Variants in ITGA4 observed in about 807,000 individuals in gnomAD.
ITGA4 encodes the protein integrin alpha-4.
A neutral mutation model predicts 133.6 loss-of-function variants in ITGA4; 63 were observed. The ratio of observed to expected loss-of-function variants is 0.47; its 90% CI spans 0.38 to 0.58. The LOEUF (loss-of-function observed/expected upper bound fraction) is 0.58, where lower values mean the gene tolerates loss of function less well. Ranked by LOEUF, ITGA4 falls within the 20% of genes least tolerant of loss-of-function variation. The probability of loss-of-function intolerance (pLI) is 0.00; values close to 1 mark genes in which losing one functional copy is unlikely to be tolerated. For missense variants in ITGA4, 1,076 were observed against 1,252.7 expected (o/e 0.86, Z 2.13); for synonymous variants, 483 against 438.0 (o/e 1.10, Z -1.28).
chr2:181,501,664 T>C (rs912967850), intron 15 of ITGA4, among the ~76,000 whole-genome samples: 4 of 152,288 alleles, frequency 2.6e-5, no homozygotes, highest in South Asian at 4.1e-4. Context: ...AGAGACTGGA[T>C]GTCTGGCATC....
chr2:181,457,617 G>GTGGCT lies in ITGA4; in HGVS notation c.-34_-33insTTGGC, dbSNP rs1370868563. On this transcript the variant is annotated 5_prime_UTR_variant, in exon 1 of 28. Transcript: ENST00000397033. The stretch of plus-strand genomic sequence containing the variant: ...TCGCATCCCGTGCAACTTTGGGGTA[G>GTGGCT]TGGCCGTTTAGTGTTGAATGTTCCC... 6.3e-7 allele frequency: 1 copy of GTGGCT among 1,583,002 alleles called. No homozygotes were observed. The highest frequency in any genetic ancestry group is 2.3e-5 in the East Asian group (1 of 43,850).
intron 15 of ITGA4, among the ~76,000 whole-genome samples, chr2:181,499,713 A>T (rs572351171): frequency 5.9e-4 from 90 of 152,344 alleles, no homozygotes; most frequent in African/African-American, 2.1e-3. Flanking sequence ...GATGGTTCAG[A>T]GCCAAAAGTA....
intron 15 of ITGA4, among the ~76,000 whole-genome samples, chr2:181,503,527 T>A (rs1686326788): frequency 6.7e-6 from 1 of 149,212 alleles, no homozygotes; most frequent in South Asian, 2.1e-4. Context: ...CTGGTCAAAA[T>A]TTGTTCCTCA....
intron 21 of ITGA4, among the ~76,000 whole-genome samples, chr2:181,526,946 C>T (rs543999540): frequency 6.7e-6 from 1 of 149,658 alleles, no homozygotes; most frequent in Non-Finnish European, 1.5e-5. Context: ...ATTCTCCTGC[C>T]TCAGCCTCCC....
chr2:181,512,367 G>T (rs1686523474), intron 17 of ITGA4, among the ~76,000 whole-genome samples: 1 of 151,992 alleles, frequency 6.6e-6, no homozygotes, highest in South Asian at 2.1e-4. Flanking sequence ...GGGGCATGTT[G>T]AATTTGGAGG....
intron 10 of ITGA4, 182 bp from the exon 11 acceptor site, chr2:181,493,143 A>G (rs1686088433): frequency 2.0e-6 from 1 of 497,114 alleles, no homozygotes; most frequent in Non-Finnish European, 3.5e-6. Flanking sequence ...TGTGCAAACT[A>G]TTGTGTGCAA....
At chr2:181,463,122 A>G (rs1208684088) in intron 2 of ITGA4, among the ~76,000 whole-genome samples, 3 of 152,194 alleles carry the variant, frequency 2.0e-5, no homozygotes, top group Non-Finnish European at 4.4e-5. Flanking sequence ...AGGCTATGGA[A>G]AAGTTTGCCA....
intron 5 of ITGA4, 96 bp downstream of exon 5, chr2:181,478,920 G>A (rs1424225833): frequency 5.3e-6 from 3 of 567,288 alleles, no homozygotes; most frequent in South Asian, 4.8e-5. Flanking sequence ...AGTAAAAATT[G>A]TGTAACATCT....
At chr2:181,493,965 GT>G (rs1185707646) in intron 11 of ITGA4, among the ~76,000 whole-genome samples, 9 of 152,044 alleles carry the variant, frequency 5.9e-5, no homozygotes, top group Non-Finnish European at 1.2e-4. Flanking sequence ...GAGAAGAAAA[GT>G]TTTTCCCTTG....
intron 5 of ITGA4, 146 bp from the exon 6 acceptor site, chr2:181,479,991 T>C (rs1685767491): frequency 2.1e-6 from 1 of 467,414 alleles, no homozygotes; most frequent in African/African-American, 2.0e-5. Context: ...TTTTTTTTTT[T>C]CCTAGTATGT....
chr2:181,503,543 TAAGA>T (rs1366447358), intron 15 of ITGA4, among the ~76,000 whole-genome samples: 5 of 139,354 alleles, frequency 3.6e-5, no homozygotes, highest in Non-Finnish European at 7.8e-5. Flanking sequence ...CCTCATAAAA[TAAGA>T]AAGAAGGAAG....
rs1687086856 is a variant in ITGA4, at chr2:181,536,326, T to G, written c.*799T>G. The G allele has an allele frequency of 1.3e-5, 2 of 152,130 alleles. No individual in the cohort carries two copies. Among genetic ancestry groups the G allele is most frequent in the Non-Finnish European group, 2.9e-5 (2 of 68,016 alleles). The allele number at this position is 152,130 out of a possible 1,614,324, so 9.4% of individuals were successfully genotyped here. A position where few individuals can be genotyped will look rare whatever the true frequency, so the allele number is the denominator to read the frequency against. ...CTTTATCAAGCATACCCAGGAGTAA[T>G]CTTCAAATCTTTTGTTATATTCTGA... On this transcript the variant is annotated 3_prime_UTR_variant, in exon 28 of 28. Transcript: ENST00000397033.
chr2:181,479,007 T>A, intron 5 of ITGA4, 183 bp downstream of exon 5: 1 of 399,018 alleles, frequency 2.5e-6, no homozygotes, highest in Admixed American at 4.2e-5. Context: ...CAATAAAATA[T>A]CAATATTTAG....
rs369405272 is a variant in ITGA4, at chr2:181,519,818, C to A, written c.1923-2373C>A. On this transcript the variant is annotated intron_variant, in intron 17 of 27. Coordinates refer to ENST00000397033, the MANE Select transcript of ITGA4 (RefSeq NM_000885.6). ...AGATAAACACGGTTTAAGGCTATAA[C>A]GTGACAGTATTTATGCTGATACTTT... Among the ~76,000 whole-genome samples the A allele has an allele frequency of 1.4e-4, 22 of 152,224 alleles. No individual in the cohort carries two copies. The South Asian group carries it at 4.1e-3, about 29-fold the overall frequency.
rs1328678332 is a variant in ITGA4, at chr2:181,475,337, C to A, written c.556+49C>A. On this transcript the variant is annotated intron_variant, in intron 4 of 27. Transcript: ENST00000397033. ...TTAGATAAAGATAAGTAAGTGAATA[C>A]CTTTTAGTGTTTTAAATTTATGTTC... 5 of 1,414,828 alleles carry A rather than the reference C, an allele frequency of 3.5e-6. No homozygotes were observed. In the African/African-American group the frequency reaches 4.3e-5, roughly 12 times the overall value. 87.6% of individuals were successfully genotyped at this position (1,414,828 alleles called of 1,614,324 possible).
At chr2:181,518,613 A>C (rs919906560) in intron 17 of ITGA4, among the ~76,000 whole-genome samples, 7 of 152,136 alleles carry the variant, frequency 4.6e-5, no homozygotes, top group Admixed American at 3.9e-4. Context: ...CAGATAGTAC[A>C]TATTTGAGTT....
intron 15 of ITGA4, among the ~76,000 whole-genome samples, chr2:181,499,629 A>G (rs1369630657): frequency 1.3e-5 from 2 of 152,200 alleles, no homozygotes; most frequent in African/African-American, 4.8e-5. Context: ...ATTAAATGCT[A>G]AGAGCAATAA....
intron 2 of ITGA4, among the ~76,000 whole-genome samples, chr2:181,470,026 G>T (rs13029501): frequency 0.56 from 84,594 of 151,438 alleles, 23,924 homozygotes; most frequent in South Asian, 0.6. Flanking sequence ...TAACAAACCT[G>T]CATGTTGTGC....
intron 1 of ITGA4, 33 bp from the exon 2 acceptor site, chr2:181,458,163 C>A: frequency 1.9e-6 from 3 of 1,613,562 alleles, no homozygotes; most frequent in Admixed American, 3.3e-5. Context: ...GCACAGCTCA[C>A]GTCTGAGCGC....
Sources: gnomAD v4.1 joint callset for allele counts (sites outside exome capture counted in the v4.1 genomes callset) on GRCh38, gnomAD v4.1.1 for gene constraint, MANE v1.5 for transcripts, NCBI Gene and HGNC (gene_info 2026-07-23, HGNC 2026-07-21) for gene names.